The following KCNH8 variants were observed in gnomAD, a reference collection of about 807,000 sequenced individuals.
The protein encoded by KCNH8 is potassium voltage-gated channel subfamily H member 8.
Under a neutral mutation model 103.6 loss-of-function variants are expected in KCNH8, and 70 were observed. The observed-to-expected ratio is 0.68, with a 90% CI of 0.56 to 0.82. KCNH8 has a LOEUF of 0.82. Among genes scored for constraint, KCNH8 ranks in the 40% least tolerant of loss-of-function variants. The pLI, the probability that KCNH8 is intolerant of heterozygous loss-of-function variation, is 0.00. For missense variants in KCNH8, 1,217 were observed against 1,329.9 expected (o/e 0.92, Z 1.32); for synonymous variants, 498 against 489.4 (o/e 1.02, Z -0.23).
chr3:19,423,776 CT>C (rs1260741512), intron 7 of KCNH8, among the ~76,000 whole-genome samples: 1 of 151,984 alleles, frequency 6.6e-6, no homozygotes, highest in Non-Finnish European at 1.5e-5. Context: ...ATAATGACTT[CT>C]TTTCCTCTGA....
chr3:19,164,130 A>G (rs1356075659), intron 1 of KCNH8, among the ~76,000 whole-genome samples: 1 of 152,174 alleles, frequency 6.6e-6, no homozygotes. Context: ...TAATTTTCAT[A>G]TGCTAGAAAC....
chr3:19,199,036 T>C (rs1211636405), intron 1 of KCNH8, among the ~76,000 whole-genome samples: 1 of 152,098 alleles, frequency 6.6e-6, no homozygotes, highest in African/African-American at 2.4e-5. Context: ...CTGCCAATAG[T>C]AGCTTCATAT....
chr3:19,464,196 C>T (rs988050427), intron 11 of KCNH8, among the ~76,000 whole-genome samples: 6 of 152,056 alleles, frequency 3.9e-5, no homozygotes, highest in African/African-American at 7.2e-5. Flanking sequence ...GAATGCAAGG[C>T]TGTACAATTT....
Position 19,167,665 on chromosome 3 carries a change from G to C in KCNH8, c.76+18870G>C, listed in dbSNP as rs79448743. Among the ~76,000 whole-genome samples the C allele has an allele frequency of 8.1e-4, 124 of 152,224 alleles. 1 individual carries two copies. The East Asian group carries it at 0.022, about 27-fold the overall frequency. ...AATCCAGTTACTGTACACAGATTCT[G>C]GTATTTTTCTATTCCATTTTTTATA... On this transcript the variant is annotated intron_variant, in intron 1 of 15. Coordinates refer to ENST00000328405, the MANE Select transcript of KCNH8 (RefSeq NM_144633.3).
rs373146758 is a variant in KCNH8, at chr3:19,533,630, G to A, written c.2855G>A (p.Ser952Asn). 20 of 1,614,068 alleles carry A rather than the reference G, an allele frequency of 1.2e-5. No homozygotes were observed. Among genetic ancestry groups the A allele is most frequent in the African/African-American group, 9.3e-5 (7 of 74,934 alleles). The change falls in exon 16 of 16, where the codon AGT becomes AAT. Residue 952 changes from serine to asparagine, a missense_variant. Coordinates refer to ENST00000328405, the MANE Select transcript of KCNH8 (RefSeq NM_144633.3). ...AAYTQAQLCS[S>N]NITSDIWSVD... ...TATACCCAAGCACAACTTTGTAGCAGTAATATCACCTCAGACATTTGGAGT... is the reference window on the plus strand; with the variant it reads ...TATACCCAAGCACAACTTTGTAGCAATAATATCACCTCAGACATTTGGAGT...
intron 7 of KCNH8, among the ~76,000 whole-genome samples, chr3:19,418,935 T>A (rs1188109811): frequency 6.6e-6 from 1 of 152,200 alleles, no homozygotes; most frequent in Non-Finnish European, 1.5e-5. Flanking sequence ...TGGGAATATT[T>A]CCATAACAGG....
In KCNH8 at chr3:19,395,323, C is replaced by G; in HGVS notation, c.1177+12C>G. 1 of 1,566,924 alleles carries G rather than the reference C, an allele frequency of 6.4e-7. No homozygotes were observed. Among genetic ancestry groups the G allele is most frequent in the Non-Finnish European group, 8.7e-7 (1 of 1,143,724 alleles). ...GAAGTGGGAAGTTGGTAAGGGCTTA[C>G]ATTTGTCACATTTTCCATTTTTTAA... On this transcript the variant is annotated intron_variant, in intron 7 of 15. Coordinates refer to ENST00000328405, the MANE Select transcript of KCNH8 (RefSeq NM_144633.3).
At chr3:19,521,641 T>C (rs1187687822) in intron 15 of KCNH8, among the ~76,000 whole-genome samples, 2 of 151,980 alleles carry the variant, frequency 1.3e-5, no homozygotes, top group Non-Finnish European at 2.9e-5. Flanking sequence ...TATTTGGTTA[T>C]GAAAATCACT....
chr3:19,361,890 T>C (rs944643305), intron 5 of KCNH8, among the ~76,000 whole-genome samples: 3 of 152,124 alleles, frequency 2.0e-5, no homozygotes, highest in Non-Finnish European at 1.5e-5. Context: ...AGGGCAGGTA[T>C]ATATTTGTAT....
chr3:19,194,570 A>G (rs113332604), intron 1 of KCNH8, among the ~76,000 whole-genome samples: 2,998 of 151,920 alleles, frequency 0.02, 97 homozygotes, highest in African/African-American at 0.067. Context: ...TAGGGTGCAC[A>G]AGTTAATTGG....
chr3:19,496,108 G>A (rs980837268), intron 11 of KCNH8, among the ~76,000 whole-genome samples: 2 of 152,092 alleles, frequency 1.3e-5, no homozygotes, highest in Non-Finnish European at 2.9e-5. Context: ...CAGAGACTAT[G>A]GGGTTTTCTA....
At chr3:19,403,361 A>AATATATATATATATATATATAT (rs57523893) in intron 7 of KCNH8, among the ~76,000 whole-genome samples, 20 of 124,632 alleles carry the variant, frequency 1.6e-4, no homozygotes, top group Admixed American at 3.3e-4. Flanking sequence ...ATATGTAAAG[A>AATATATATATATATATATATAT]ATATATATAT....
At chr3:19,206,168 G>GTGTGTGTATATATATATATATA (rs979868166) in intron 1 of KCNH8, among the ~76,000 whole-genome samples, 87 of 139,242 alleles carry the variant, frequency 6.2e-4, no homozygotes, top group African/African-American at 2.1e-3. Context: ...TGGTGTGTGT[G>GTGTGTGTATATATATATATATA]TATATATATA....
In KCNH8 at chr3:19,535,113, C is replaced by G. The variant is rs1360750344; in HGVS notation, c.*1014C>G. 1 of 152,042 alleles carries G rather than the reference C, an allele frequency of 6.6e-6. No individual in the cohort carries two copies. The highest frequency in any genetic ancestry group is 1.5e-5 in the Non-Finnish European group (1 of 68,014). The allele number at this position is 152,042 out of a possible 1,614,324, so 9.4% of individuals were successfully genotyped here. A position where few individuals can be genotyped will look rare whatever the true frequency, so the allele number is the denominator to read the frequency against. On this transcript the variant is annotated 3_prime_UTR_variant, in exon 16 of 16. Coordinates refer to ENST00000328405, the MANE Select transcript of KCNH8 (RefSeq NM_144633.3). ...TATCGTATTTTGTTGCTCAAGAATC[C>G]AAAATGGGTCTGTGGACATAGGGCA...
intron 11 of KCNH8, among the ~76,000 whole-genome samples, chr3:19,486,897 T>C (rs150952794): frequency 0.012 from 1,838 of 152,260 alleles, 21 homozygotes; most frequent in Middle Eastern, 0.017. Context: ...CCTTTCCGAA[T>C]AGTGAATCCC....
intron 3 of KCNH8, among the ~76,000 whole-genome samples, chr3:19,301,433 A>G (rs1216525262): frequency 2.0e-5 from 3 of 150,852 alleles, no homozygotes; most frequent in African/African-American, 4.9e-5. Flanking sequence ...ATATAAAATT[A>G]GAAATATAAA....
chr3:19,355,611 T>C lies in KCNH8; in HGVS notation c.811+7646T>C, dbSNP rs1014171190. On this transcript the variant is annotated intron_variant, in intron 5 of 15. Coordinates refer to ENST00000328405, the MANE Select transcript of KCNH8 (RefSeq NM_144633.3). ...ACATGGATGAAGCTAGAAACCATCA[T>C]TCTGAGCAAACTGTTGCAAGGATAG... 3.3e-5 allele frequency among the ~76,000 whole-genome samples: 5 copies of C among 152,106 alleles called. No individual in the cohort carries two copies. The South Asian group carries it at 8.3e-4, about 25-fold the overall frequency.
At chr3:19,272,261 T>C (rs2064599371) in intron 2 of KCNH8, among the ~76,000 whole-genome samples, 1 of 152,032 alleles carries the variant, frequency 6.6e-6, no homozygotes. Context: ...GGAGGTTTGG[T>C]TCCCAGTAAA....
At chr3:19,354,401 A>G (rs1040127477) in intron 5 of KCNH8, among the ~76,000 whole-genome samples, 3 of 152,208 alleles carry the variant, frequency 2.0e-5, no homozygotes, top group Admixed American at 2.0e-4. Context: ...ATATGGAACC[A>G]AAAAAGAGCC....
Sources: allele counts gnomAD v4.1 joint callset (sites outside exome capture counted in the v4.1 genomes callset), GRCh38; gene constraint gnomAD v4.1.1; transcripts MANE v1.5; gene names NCBI Gene and HGNC (gene_info 2026-07-23, HGNC 2026-07-21).